The following ACACA variants were observed in gnomAD, a reference collection of about 807,000 sequenced individuals.
ACACA encodes the protein acetyl-CoA carboxylase 1.
Under a neutral mutation model 296.1 loss-of-function variants are expected in ACACA, and 103 were observed. The ratio of observed to expected loss-of-function variants is 0.35; its 90% CI spans 0.30 to 0.41. ACACA has a LOEUF of 0.41. ACACA is among the 10% of genes least tolerant of loss of function. The pLI, the probability that ACACA is intolerant of heterozygous loss-of-function variation, is 1.00. For missense variants in ACACA, 1,554 were observed against 2,989.7 expected, an observed-to-expected ratio of 0.52 and a Z score of 11.20; for synonymous variants, 953 against 1,038.6, an observed-to-expected ratio of 0.92 and a Z score of 1.58.
chr17:37,131,988 G>A (rs368057387), intron 45 of ACACA, among the ~76,000 whole-genome samples: 1 of 152,122 alleles, frequency 6.6e-6, no homozygotes, highest in Non-Finnish European at 1.5e-5. Flanking sequence ...CTCAGCCCAG[G>A]CACTGCGGCT....
rs1011068150 is a variant in ACACA at position 37,188,628 on chromosome 17, T to C, written c.4573-148A>G. The C allele has an allele frequency of 1.5e-5, 12 of 793,040 alleles. No homozygotes were observed. The East Asian group carries it at 2.1e-4, about 14-fold the overall frequency. The allele number at this position is 793,040 out of a possible 1,614,324, so 49.1% of individuals were successfully genotyped here. A position where few individuals can be genotyped will look rare whatever the true frequency, so the allele number is the denominator to read the frequency against. ...CACCTTACAAAAAGTGGTCAGATAG[T>C]TTCTCCCCAAACTATTCTTTCTTGG... On this transcript the variant is annotated intron_variant, in intron 38 of 55. Transcript: ENST00000616317.
rs758761040 is a variant in ACACA, at chr17:37,244,576, C to T, written c.2742+12G>A. 4.1e-5 allele frequency: 66 copies of T among 1,613,614 alleles called. No homozygotes were observed. Among genetic ancestry groups the T allele is most frequent in the Admixed American group, 2.7e-4 (16 of 60,000 alleles). ...ATTTGTACATCCCTTCCCCAGGAGA[C>T]GTGATACATACCTTGCTGCTAAAGA... On this transcript the variant is annotated intron_variant, in intron 21 of 55. Transcript: ENST00000616317.
In ACACA at chr17:37,144,812, A is replaced by ATT. The variant is rs34861925; in HGVS notation, c.5679+5050_5679+5051dup. Among the ~76,000 whole-genome samples, 136 of 149,664 alleles carry ATT rather than the reference A, an allele frequency of 9.1e-4. 1 individual carries two copies. Among genetic ancestry groups the ATT allele is most frequent in the Middle Eastern group, 3.5e-3 (1 of 282 alleles). The stretch of plus-strand genomic sequence containing the variant: ...TCGCTAAGGGGGATGAGAGTATAGG[A>ATT]TTTTTTTTTTTCTAAAAAAGAAGCA... On this transcript the variant is annotated intron_variant, in intron 45 of 55. Transcript: ENST00000616317.
At chr17:37,244,522 T>C in intron 21 of ACACA, 66 bp downstream of exon 21, 1 of 1,582,562 alleles carries the variant, frequency 6.3e-7, no homozygotes. Flanking sequence ...ATTATGAGAC[T>C]TGGAACTATT....
At chr17:37,104,001 C>T (rs1041056690) in intron 52 of ACACA, among the ~76,000 whole-genome samples, 1 of 152,214 alleles carries the variant, frequency 6.6e-6, no homozygotes, top group African/African-American at 2.4e-5. Context: ...TATGATTGTG[C>T]TGCTGCACTC....
chr17:37,154,952 A>G (rs890420324), intron 43 of ACACA, among the ~76,000 whole-genome samples: 12 of 152,226 alleles, frequency 7.9e-5, no homozygotes, highest in Non-Finnish European at 1.6e-4. Context: ...AAGAAAAATT[A>G]AAGAGGGAAA....
chr17:37,391,612 C>CT lies in ACACA; in HGVS notation c.38+14649dup, dbSNP rs772160816. ...ACATGAAGAACTATACACTTGCATC[C>CT]TTTTTTAACTTTCATATTTCCTTTC... On this transcript the variant is annotated intron_variant, in intron 1 of 55. Transcript: ENST00000616317. 1.4e-5 allele frequency: 22 copies of CT among 1,592,214 alleles called. No individual in the cohort carries two copies. In the South Asian group the frequency reaches 2.1e-4, roughly 15 times the overall value.
chr17:37,317,754 G>A (rs968692756), intron 3 of ACACA, among the ~76,000 whole-genome samples: 1 of 152,154 alleles, frequency 6.6e-6, no homozygotes, highest in Admixed American at 6.6e-5. Context: ...GCTGTACCGA[G>A]CCTTACTTAC....
At chr17:37,277,714 AT>A (rs2082339339) in intron 6 of ACACA, among the ~76,000 whole-genome samples, 181 bp downstream of exon 6, 1 of 152,052 alleles carries the variant, frequency 6.6e-6, no homozygotes, top group Non-Finnish European at 1.5e-5. Context: ...CGTTTACTTT[AT>A]TTTTAGCCAT....
intron 25 of ACACA, among the ~76,000 whole-genome samples, chr17:37,231,591 A>G (rs575531049): frequency 1.1e-4 from 17 of 152,382 alleles, no homozygotes; most frequent in African/African-American, 3.8e-4. Flanking sequence ...GGTGCTGATC[A>G]GCATCATAAA....
chr17:37,155,871 C>T, intron 42 of ACACA, 91 bp from the exon 43 acceptor site: 2 of 881,268 alleles, frequency 2.3e-6, no homozygotes, highest in Non-Finnish European at 3.8e-6. Flanking sequence ...GCTTGTTCCA[C>T]AGCTAGCTTT....
chr17:37,173,638 T>C (rs2076956727), intron 41 of ACACA, among the ~76,000 whole-genome samples: 1 of 152,038 alleles, frequency 6.6e-6, no homozygotes, highest in Non-Finnish European at 1.5e-5. Context: ...AATGAGATGC[T>C]ATACTTTGGG....
chr17:37,200,586 T>C, intron 33 of ACACA, 103 bp from the exon 34 acceptor site: 1 of 1,039,700 alleles, frequency 9.6e-7, no homozygotes, highest in South Asian at 1.3e-5. Context: ...TTAAACATCC[T>C]TTTTGGATAT....
intron 3 of ACACA, among the ~76,000 whole-genome samples, chr17:37,323,691 A>C (rs2047458452): frequency 6.6e-6 from 1 of 152,204 alleles, no homozygotes; most frequent in African/African-American, 2.4e-5. Flanking sequence ...AAAAAGAGGA[A>C]AGAAATCACA....
At chr17:37,213,880 C>T (rs1567824076) in intron 29 of ACACA, among the ~76,000 whole-genome samples, 2 of 151,806 alleles carry the variant, frequency 1.3e-5, no homozygotes, top group South Asian at 4.1e-4. Flanking sequence ...GTTCTGTGAG[C>T]CTTTTTACCA....
At chr17:37,340,557 C>T (rs1185880094) in intron 1 of ACACA, among the ~76,000 whole-genome samples, 1 of 152,180 alleles carries the variant, frequency 6.6e-6, no homozygotes, top group African/African-American at 2.4e-5. Flanking sequence ...GAAATACACG[C>T]TTGAGAACCA....
chr17:37,323,755 T>C (rs1381301077), intron 3 of ACACA, among the ~76,000 whole-genome samples: 4 of 152,240 alleles, frequency 2.6e-5, no homozygotes. Flanking sequence ...CCAACTGTAC[T>C]TCAACCAGAA....
intron 3 of ACACA, among the ~76,000 whole-genome samples, chr17:37,316,566 G>A (rs556180799): frequency 2.0e-5 from 3 of 152,148 alleles, no homozygotes; most frequent in Non-Finnish European, 4.4e-5. Context: ...TGAAGATGTG[G>A]AGAAAGGGGA....
At position 37,200,156 on chromosome 17, in the gene ACACA, C is replaced by T; in HGVS notation, c.4141G>A (p.Val1381Met). ...TTACTTACATGAAATCTCCGATCCA[C>T]CTCATAGTTGACCTGCTTTCTGAAA... ...KDFRKQVNYE[V>M]DRRFHREFPK... is the part of the protein sequence containing the mutation. The change falls in exon 35 of 56, where the codon GTG (valine) becomes ATG (methionine). Residue 1381 changes from valine to methionine, a missense_variant. Coordinates refer to ENST00000616317, the MANE Select transcript of ACACA (RefSeq NM_198834.3). 1 of 1,607,440 alleles carries T rather than the reference C, an allele frequency of 6.2e-7. No individual in the cohort carries two copies. Among genetic ancestry groups the T allele is most frequent in the Non-Finnish European group, 8.5e-7 (1 of 1,174,102 alleles).
Sources: allele counts gnomAD v4.1 joint callset (sites outside exome capture counted in the v4.1 genomes callset), GRCh38; gene constraint gnomAD v4.1.1; transcripts MANE v1.5; gene names NCBI Gene and HGNC (gene_info 2026-07-23, HGNC 2026-07-21).